HACL2: variants seen among roughly 807,000 people sequenced by gnomAD.
The protein encoded by HACL2 is 2-hydroxyacyl-CoA lyase 2.
the HACL2 span, chr19:15,116,056 A>C: frequency 1.2e-6 from 2 of 1,613,908 alleles, no homozygotes; most frequent in Non-Finnish European, 1.7e-6. Flanking sequence ...ACCAACTCCC[A>C]GAGTCCCAAA....
the HACL2 span, chr19:15,116,188 C>A: frequency 4.3e-6 from 7 of 1,613,642 alleles, no homozygotes; most frequent in Non-Finnish European, 5.9e-6. Flanking sequence ...CGGGGCTGTA[C>A]CAGATGGGCA....
the HACL2 span, chr19:15,116,657 G>GA: frequency 8.8e-5 from 59 of 667,444 alleles, no homozygotes; most frequent in South Asian, 1.2e-4. Context: ...GGTGCTCCTA[G>GA]AAAAAAAACA....
chr19:15,115,278 A>G, the HACL2 span: 3 of 1,614,178 alleles, frequency 1.9e-6, no homozygotes, highest in Non-Finnish European at 2.5e-6. Flanking sequence ...CCATCGCGGA[A>G]GTCCGTCCTC....
chr19:15,117,837 AC>A, the HACL2 span: 1 of 1,609,520 alleles, frequency 6.2e-7, no homozygotes, highest in Non-Finnish European at 8.5e-7. Flanking sequence ...GAGGAGAGGG[AC>A]TGGGAGGAGC....
the HACL2 span, among the ~76,000 whole-genome samples, chr19:15,118,584 C>G: frequency 4.3e-4 from 65 of 152,204 alleles, no homozygotes; most frequent in Non-Finnish European, 9.1e-4. Flanking sequence ...TGATTCAGGA[C>G]CCCCACCCCC....
chr19:15,123,400 A>T, the HACL2 span: 1 of 1,614,088 alleles, frequency 6.2e-7, no homozygotes, highest in Non-Finnish European at 8.5e-7. This position sits in a 1 kb window ranked among gnomAD's most constrained non-coding sequence, Gnocchi z 5.1. Context: ...TAGCATCAGC[A>T]GCAAAGACGG....
chr19:15,118,059 G>A, the HACL2 span: 16 of 1,611,592 alleles, frequency 9.9e-6, no homozygotes, highest in South Asian at 1.1e-4. Flanking sequence ...GCCCCATGTC[G>A]TCTACCTTAC....
At chr19:15,122,821 G>A in the HACL2 span, 357 of 1,613,860 alleles carry the variant, frequency 2.2e-4, 1 homozygote, top group Middle Eastern at 7.6e-3. The surrounding 1 kb of genome is among the most constrained non-coding windows in gnomAD (Gnocchi z 4.0). Context: ...GGACAGGGAG[G>A]ACGCTGAGTC....
chr19:15,124,912 C>A, the HACL2 span: 2 of 1,597,494 alleles, frequency 1.3e-6, no homozygotes, highest in Non-Finnish European at 8.5e-7. Context: ...ACCTCCCATT[C>A]TGTGCCCCGC....
At chr19:15,120,804 C>T in the HACL2 span, among the ~76,000 whole-genome samples, 2 of 152,152 alleles carry the variant, frequency 1.3e-5, no homozygotes, top group East Asian at 1.9e-4. Flanking sequence ...GTGGGAAGCC[C>T]CGCAAGTAAA....
chr19:15,123,324 A>C, the HACL2 span: 28 of 1,601,326 alleles, frequency 1.7e-5, no homozygotes, highest in Non-Finnish European at 2.4e-5. This position sits in a 1 kb window ranked among gnomAD's most constrained non-coding sequence, Gnocchi z 5.1. Context: ...CCTCACAGAC[A>C]CTCTAGCCCA....
At chr19:15,115,310 A>G in the HACL2 span, 4 of 1,614,002 alleles carry the variant, frequency 2.5e-6, no homozygotes, top group African/African-American at 5.3e-5. Context: ...GTTGACCACA[A>G]CCGGGTGGCC....
chr19:15,123,240 G>C, the HACL2 span: 1 of 1,613,652 alleles, frequency 6.2e-7, no homozygotes, highest in South Asian at 1.1e-5. The surrounding 1 kb of genome is among the most constrained non-coding windows in gnomAD (Gnocchi z 5.1). Flanking sequence ...CACGCCCACC[G>C]TCCCTGGAAC....
the HACL2 span, chr19:15,122,757 T>G: frequency 1.9e-6 from 3 of 1,613,880 alleles, no homozygotes; most frequent in South Asian, 3.3e-5. This position sits in a 1 kb window ranked among gnomAD's most constrained non-coding sequence, Gnocchi z 4.0. Context: ...TTCTGGACCA[T>G]GAAGTAGGGG....
At chr19:15,124,763 G>T in the HACL2 span, 1 of 962,658 alleles carries the variant, frequency 1.0e-6, no homozygotes, top group Non-Finnish European at 1.5e-6. Flanking sequence ...CATACACAGC[G>T]TGGCAATGGA....
the HACL2 span, chr19:15,116,028 C>T: frequency 9.9e-6 from 16 of 1,613,908 alleles, no homozygotes; most frequent in South Asian, 1.5e-4. Flanking sequence ...ACAGCTTGGC[C>T]CCAAGTGCAA....
At chr19:15,122,077 T>G in the HACL2 span, among the ~76,000 whole-genome samples, 2 of 141,374 alleles carry the variant, frequency 1.4e-5, no homozygotes, top group African/African-American at 2.6e-5. This position sits in a 1 kb window ranked among gnomAD's most constrained non-coding sequence, Gnocchi z 4.0. Context: ...TTTTTTTTTT[T>G]TGTATTTTTA....
chr19:15,117,850 C>T, the HACL2 span: 11 of 1,613,230 alleles, frequency 6.8e-6, no homozygotes, highest in African/African-American at 2.7e-5. Context: ...GGGAGGAGCA[C>T]ATATGTGTAC....
the HACL2 span, chr19:15,123,510 G>A: frequency 8.7e-6 from 14 of 1,613,900 alleles, no homozygotes; most frequent in East Asian, 6.7e-5. The surrounding 1 kb of genome is among the most constrained non-coding windows in gnomAD (Gnocchi z 5.1). Flanking sequence ...AAGATGAACC[G>A]CACACCATGG....
Sources: gnomAD v4.1 joint callset for allele counts (sites outside exome capture counted in the v4.1 genomes callset) on GRCh38, gnomAD v4.1.1 for gene constraint, Gnocchi (gnomAD v3.1) non-coding constraint, MANE v1.5 for transcripts, NCBI Gene and HGNC (gene_info 2026-07-23, HGNC 2026-07-21) for gene names.